The following ZSWIM9 variants were observed in gnomAD, a reference collection of about 807,000 sequenced individuals.
The protein encoded by ZSWIM9 is uncharacterized protein ZSWIM9.
Under a neutral mutation model 25.0 loss-of-function variants are expected in ZSWIM9, and 11 were observed. The ratio of observed to expected loss-of-function variants is 0.44; its 90% CI spans 0.28 to 0.73. The LOEUF (loss-of-function observed/expected upper bound fraction) is 0.73. Ranked by LOEUF, ZSWIM9 falls within the 30% of genes least tolerant of loss-of-function variation. The probability of loss-of-function intolerance (pLI) is 0.16; values close to 1 mark genes in which losing one functional copy is unlikely to be tolerated. For missense variants in ZSWIM9, 1,070 were observed against 1,296.5 expected (o/e 0.83, Z 2.68); for synonymous variants, 562 against 582.1 (o/e 0.97, Z 0.50).
In ZSWIM9 at chr19:48,196,202, A is replaced by C; in HGVS notation, c.2138A>C (p.Glu713Ala). 8.1e-7 allele frequency: 1 copy of C among 1,235,946 alleles called. No individual in the cohort carries two copies. The highest frequency in any genetic ancestry group is 3.2e-5 in the East Asian group (1 of 31,728). 76.6% of individuals were successfully genotyped at this position (1,235,946 alleles called of 1,614,324 possible). A position where few individuals can be genotyped will look rare whatever the true frequency, so the allele number is the denominator to read the frequency against. Residue 713 changes from glutamate to alanine, a missense_variant, in exon 4 of 4, where the codon GAG becomes GCG. Glu to Ala is a moderately radical substitution (Grantham distance 107, BLOSUM62 -1). Transcript: ENST00000614654. ...RVGVKRRRGL[E>A]DIVLVQLGDT... ...GGGGTCAAAAGAAGAAGGGGCCTGG[A>C]GGATATAGTTCTGGTCCAGCTGGGA...
chr19:48,197,332 G>T lies in ZSWIM9; in HGVS notation c.*505G>T. 1.4e-6 allele frequency: 1 copy of T among 701,034 alleles called. No individual in the cohort carries two copies. 43.4% of individuals were successfully genotyped at this position (701,034 alleles called of 1,614,324 possible). The stretch of plus-strand genomic sequence containing the variant: ...AGGAGAGAGGACAAGCAAAGAGACA[G>T]AAATGAAGACATGAGGAAAAGCTGG... On this transcript the variant is annotated 3_prime_UTR_variant, in exon 4 of 4. Coordinates refer to ENST00000614654, the MANE Select transcript of ZSWIM9 (RefSeq NM_199341.4).
Position 48,195,127 on chromosome 19 carries a change from C to T in ZSWIM9, c.1063C>T (p.Pro355Ser). 6.7e-7 allele frequency: 1 copy of T among 1,490,640 alleles called. No homozygotes were observed. Among genetic ancestry groups the T allele is most frequent in the Non-Finnish European group, 8.9e-7 (1 of 1,124,746 alleles). 92.3% of individuals were successfully genotyped at this position (1,490,640 alleles called of 1,614,324 possible). A position where few individuals can be genotyped will look rare whatever the true frequency, so the allele number is the denominator to read the frequency against. The change falls in exon 4 of 4, where the codon CCC becomes TCC. Residue 355 changes from proline (P) to serine (S), a missense_variant. Around this residue, in one of 4 missense-constraint regions of ZSWIM9, gnomAD observed 184 missense variants for 243.1 expected, o/e 0.76. Coordinates refer to ENST00000614654, the MANE Select transcript of ZSWIM9 (RefSeq NM_199341.4). The surrounding 1 kb of genome is among the most constrained non-coding windows in gnomAD (Gnocchi z 5.8). ...GTGCCGCCTGGCTGGCGCGTCGTCG[C>T]CCGCAGCCTACGACGAGGCGCTGGC... Reference protein sequence around the residue: ...RLCRLAGASSPAAYDEALAEL... With the variant: ...RLCRLAGASSSAAYDEALAEL...
chr19:48,196,169 C>T lies in ZSWIM9; in HGVS notation c.2105C>T (p.Ala702Val). The T allele has an allele frequency of 8.1e-7, 1 of 1,232,520 alleles. No individual in the cohort carries two copies. 76.3% of individuals were successfully genotyped at this position (1,232,520 alleles called of 1,614,324 possible). ...RGPEIAEERG[A>V]RVGVKRRRGL... ...CCAGAGATTGCAGAGGAGAGGGGAG[C>T]GAGGGTGGGGGTCAAAAGAAGAAGG... Residue 702 changes from alanine (A) to valine (V), a missense_variant, in exon 4 of 4, where the codon GCG (alanine) becomes GTG (valine). Ala to Val is a moderately conservative substitution (Grantham distance 64, BLOSUM62 0). Around this residue, in one of 4 missense-constraint regions of ZSWIM9, gnomAD observed 583 missense variants for 624.7 expected, o/e 0.93. Coordinates refer to ENST00000614654, the MANE Select transcript of ZSWIM9 (RefSeq NM_199341.4).
intron 2 of ZSWIM9, among the ~76,000 whole-genome samples, chr19:48,179,433 C>T (rs1416510596): frequency 6.6e-6 from 1 of 152,200 alleles, no homozygotes; most frequent in African/African-American, 2.4e-5. Flanking sequence ...CTCAGCCTCC[C>T]AAAGTGCTGG....
At chr19:48,192,300 A>C (rs2037101719) in intron 3 of ZSWIM9, among the ~76,000 whole-genome samples, 1 of 150,140 alleles carries the variant, frequency 6.7e-6, no homozygotes, top group Non-Finnish European at 1.5e-5. Flanking sequence ...TAATACAAAA[A>C]TTAGCCAGGC....
rs1491258867 is a variant in ZSWIM9, at chr19:48,183,829, GGC to G, written c.588+1064_588+1065del. Among the ~76,000 whole-genome samples, 9 of 144,232 alleles carry G rather than the reference GGC, an allele frequency of 6.2e-5. No homozygotes were observed. The East Asian group carries it at 6.4e-4, about 10-fold the overall frequency. 94.6% of individuals were successfully genotyped at this position (144,232 alleles called of 152,430 possible). ...TTTTTTAGTTTTTGTAGAGATGTTT[GGC>G]GGGGGGGGGTCTCCCTATGTTGCCC... is the stretch of plus-strand genomic sequence containing the variant. On this transcript the variant is annotated intron_variant, in intron 3 of 3. Coordinates refer to ENST00000614654, the MANE Select transcript of ZSWIM9 (RefSeq NM_199341.4).
chr19:48,187,479 T>G (rs866116409), intron 3 of ZSWIM9, among the ~76,000 whole-genome samples: 1 of 66,392 alleles, frequency 1.5e-5, no homozygotes, highest in South Asian at 3.6e-4. Flanking sequence ...ATTATATATA[T>G]TATATATTAT....
chr19:48,192,109 T>C (rs1209776441), intron 3 of ZSWIM9: 3 of 154,364 alleles, frequency 1.9e-5, no homozygotes, highest in Non-Finnish European at 2.9e-5. Context: ...ACCCGAAACC[T>C]TCTTTTTTAT....
Position 48,196,303 on chromosome 19 carries a change from C to G in ZSWIM9, c.2239C>G (p.Arg747Gly). The change falls in exon 4 of 4, where the codon CGA becomes GGA. Residue 747 changes from arginine (R) to glycine (G), a missense_variant. By Grantham distance (125) the Arg-to-Gly change is moderately radical. Around this residue, in one of 4 missense-constraint regions of ZSWIM9, gnomAD observed 583 missense variants for 624.7 expected, o/e 0.93. Transcript: ENST00000614654. ...RSVGPKSRAG[R>G]GMEWGDAGGR... ...CGTGGGCCCCAAGAGCCGAGCCGGA[C>G]GAGGGATGGAGTGGGGAGACGCAGG... The G allele has an allele frequency of 8.1e-7, 1 of 1,233,446 alleles. No individual in the cohort carries two copies. The highest frequency in any genetic ancestry group is 1.6e-5 in the African/African-American group (1 of 64,438). 76.4% of individuals were successfully genotyped at this position (1,233,446 alleles called of 1,614,324 possible).
chr19:48,193,522 A>G (rs2037122493), intron 3 of ZSWIM9, among the ~76,000 whole-genome samples: 1 of 152,150 alleles, frequency 6.6e-6, no homozygotes, highest in African/African-American at 2.4e-5. Flanking sequence ...GAAGGGGAAC[A>G]TCCCTGTGCT....
At position 48,197,322 on chromosome 19, in the gene ZSWIM9, CAA is replaced by C. The variant is rs1019051181; in HGVS notation, c.*497_*498del. ...CCGGAAATGGAGGAGAGAGGACAAG[CAA>C]AGAGACAGAAATGAAGACATGAGGA... On this transcript the variant is annotated 3_prime_UTR_variant, in exon 4 of 4. Transcript: ENST00000614654. 29 of 699,772 alleles carry C rather than the reference CAA, an allele frequency of 4.1e-5. No homozygotes were observed. The highest frequency in any genetic ancestry group is 6.0e-5 in the Non-Finnish European group (23 of 383,708). The allele number at this position is 699,772 out of a possible 1,614,324, so 43.3% of individuals were successfully genotyped here. A position where few individuals can be genotyped will look rare whatever the true frequency, so the allele number is the denominator to read the frequency against.
intron 3 of ZSWIM9, among the ~76,000 whole-genome samples, chr19:48,190,893 G>T (rs530925405): frequency 6.6e-6 from 1 of 152,278 alleles, no homozygotes; most frequent in Admixed American, 6.5e-5. Context: ...CTGGTGACTT[G>T]ATTTTATTTA....
At chr19:48,183,908 G>A (rs1568577823) in intron 3 of ZSWIM9, among the ~76,000 whole-genome samples, 1 of 151,096 alleles carries the variant, frequency 6.6e-6, no homozygotes, top group Admixed American at 6.6e-5. Context: ...GCCTCCCAAA[G>A]TGCTGGGATT....
In ZSWIM9 at chr19:48,195,084, G is replaced by A. The variant is rs532122938; in HGVS notation, c.1020G>A (p.Pro340=). 1.5e-4 allele frequency: 205 copies of A among 1,403,972 alleles called. 2 individuals are homozygous for A. In the South Asian group the frequency reaches 2.8e-3, roughly 19 times the overall value. The allele number at this position is 1,403,972 out of a possible 1,614,324, so 87.0% of individuals were successfully genotyped here. A position where few individuals can be genotyped will look rare whatever the true frequency, so the allele number is the denominator to read the frequency against. ...QELGGAGRED[P]GLWSRLCRLA... ...TGGGCGGCGCCGGCCGCGAGGACCC[G>A]GGCCTGTGGTCGCGCCTGTGCCGCC... is the stretch of plus-strand genomic sequence containing the variant. The change falls in exon 4 of 4, where the codon CCG becomes CCA. Residue 340 remains proline, a synonymous_variant. Coordinates refer to ENST00000614654, the MANE Select transcript of ZSWIM9 (RefSeq NM_199341.4). This position sits in a 1 kb window ranked among gnomAD's most constrained non-coding sequence, Gnocchi z 5.8.
chr19:48,193,509 C>A (rs899228621), intron 3 of ZSWIM9, among the ~76,000 whole-genome samples: 2 of 152,220 alleles, frequency 1.3e-5, no homozygotes, highest in African/African-American at 4.8e-5. Flanking sequence ...GAGAGACCAT[C>A]CCGAAGGGGA....
In ZSWIM9 at chr19:48,196,319, G is replaced by C. The variant is rs1202053760; in HGVS notation, c.2255G>C (p.Gly752Ala). 7 of 1,233,546 alleles carry C rather than the reference G, an allele frequency of 5.7e-6. No individual in the cohort carries two copies. Among genetic ancestry groups the C allele is most frequent in the Middle Eastern group, 3.1e-4 (1 of 3,212 alleles). 76.4% of individuals were successfully genotyped at this position (1,233,546 alleles called of 1,614,324 possible). The change falls in exon 4 of 4, where the codon GGA becomes GCA. Residue 752 changes from glycine (G) to alanine (A), a missense_variant. By Grantham distance (60) the Gly-to-Ala change is moderately conservative. Transcript: ENST00000614654. ...KSRAGRGMEW[G>A]DAGGRCLGLG... is the part of the protein sequence containing the mutation. Reference sequence around the variant, plus strand: ...CGAGCCGGACGAGGGATGGAGTGGGGAGACGCAGGAGGGCGGTGTCTAGGG... The same window carrying C: ...CGAGCCGGACGAGGGATGGAGTGGGCAGACGCAGGAGGGCGGTGTCTAGGG...
At chr19:48,183,254 G>C (rs1445498046) in intron 3 of ZSWIM9, among the ~76,000 whole-genome samples, 1 of 151,954 alleles carries the variant, frequency 6.6e-6, no homozygotes, top group Admixed American at 6.6e-5. Context: ...TCAGCCTTCC[G>C]AGTACCTGGG....
Position 48,171,900 on chromosome 19 carries a change from T to C in ZSWIM9, c.98T>C (p.Phe33Ser). The C allele has an allele frequency of 6.5e-7, 1 of 1,535,808 alleles. No individual in the cohort carries two copies. The highest frequency in any genetic ancestry group is 8.7e-7 in the Non-Finnish European group (1 of 1,146,682). ...TTCTCGTGGGCCGAGTTCAGCCGCT[T>C]CTTCGACGCGTGGTGCCAGCAGCGG... ...AFFSWAEFSR[F>S]FDAWCQQRLA... The change falls in exon 2 of 4, where the codon TTC (phenylalanine) becomes TCC (serine). Residue 33 changes from phenylalanine to serine, a missense_variant. Phe to Ser is a radical substitution (Grantham distance 155). Coordinates refer to ENST00000614654, the MANE Select transcript of ZSWIM9 (RefSeq NM_199341.4).
At position 48,195,376 on chromosome 19, in the gene ZSWIM9, G is replaced by A; in HGVS notation, c.1312G>A (p.Ala438Thr). 6.6e-7 allele frequency: 1 copy of A among 1,505,172 alleles called. No homozygotes were observed. The highest frequency in any genetic ancestry group is 8.8e-7 in the Non-Finnish European group (1 of 1,134,834). The allele number at this position is 1,505,172 out of a possible 1,614,324, so 93.2% of individuals were successfully genotyped here. ...RDLVAMQWADAAGEAVPEGPD... is the reference protein window; with the variant it reads ...RDLVAMQWADTAGEAVPEGPD... ...CCTGGTGGCCATGCAGTGGGCCGAC[G>A]CGGCCGGGGAGGCGGTGCCCGAGGG... Residue 438 changes from alanine (A) to threonine (T), a missense_variant, in exon 4 of 4, where the codon GCG becomes ACG. Around this residue, in one of 4 missense-constraint regions of ZSWIM9, gnomAD observed 583 missense variants for 624.7 expected, o/e 0.93. Coordinates refer to ENST00000614654, the MANE Select transcript of ZSWIM9 (RefSeq NM_199341.4). The surrounding 1 kb of genome is among the most constrained non-coding windows in gnomAD (Gnocchi z 5.8).
Sources: allele counts gnomAD v4.1 joint callset (sites outside exome capture counted in the v4.1 genomes callset), GRCh38; gene constraint gnomAD v4.1.1; regional missense constraint gnomAD v4.1.1; non-coding constraint Gnocchi (gnomAD v3.1); transcripts MANE v1.5; gene names NCBI Gene and HGNC (gene_info 2026-07-23, HGNC 2026-07-21).